SUN1: variants seen among roughly 807,000 people sequenced by gnomAD.
The protein encoded by SUN1 is Sad1 and UNC84 domain containing 1, also known as SUN domain-containing protein 1.
In SUN1, 61 loss-of-function variants were observed where a neutral mutation model predicts 103.2. That is an observed-to-expected ratio of 0.59 (90% CI 0.48 to 0.73). The LOEUF (loss-of-function observed/expected upper bound fraction) is 0.73, where lower values mean the gene tolerates loss of function less well. Ranked by LOEUF, SUN1 falls within the 30% of genes least tolerant of loss-of-function variation. The pLI is 0.00. For missense variants in SUN1, 1,052 were observed against 1,034.6 expected (o/e 1.02, Z -0.23); for synonymous variants, 490 against 425.7 (o/e 1.15, Z -1.86).
chr7:825,110 G>C (rs903949713), intron 1 of SUN1, among the ~76,000 whole-genome samples: 4 of 151,760 alleles, frequency 2.6e-5, no homozygotes, highest in Admixed American at 1.3e-4. Context: ...CCAGGCTGGA[G>C]TGCAGTGGCA....
In SUN1 at chr7:860,216, C is replaced by T. The variant is rs984369757; in HGVS notation, c.1613C>T (p.Ser538Leu). 13 of 1,614,124 alleles carry T rather than the reference C, an allele frequency of 8.1e-6. No individual in the cohort carries two copies. Among genetic ancestry groups the T allele is most frequent in the South Asian group, 2.2e-5 (2 of 91,092 alleles). Residue 538 changes from serine to leucine, a missense_variant, in exon 14 of 19, where the codon TCA becomes TTA. Physicochemically the swap from Ser to Leu is moderately radical, Grantham distance 145. Transcript: ENST00000401592. ...GSLEQLLQRFSSQFVSKGDLQ... is the reference protein window; with the variant it reads ...GSLEQLLQRFLSQFVSKGDLQ... ...CTGGAACAGCTGCTGCAGAGGTTCTCATCACAGTTTGTGAGCAAAGGCGAC... is the reference window on the plus strand; with the variant it reads ...CTGGAACAGCTGCTGCAGAGGTTCTTATCACAGTTTGTGAGCAAAGGCGAC...
chr7:832,856 G>T lies in SUN1; in HGVS notation c.77+255G>T, dbSNP rs1584258889. On this transcript the variant is annotated intron_variant, in intron 1 of 18. Transcript: ENST00000401592. ...GCTTGCTGGCTTCGACCCCACCCAGGTGGTTGTGATGTTGAGAAGATGTCT... is the reference window on the plus strand; with the variant it reads ...GCTTGCTGGCTTCGACCCCACCCAGTTGGTTGTGATGTTGAGAAGATGTCT... 1.1e-5 allele frequency: 5 copies of T among 467,668 alleles called. No homozygotes were observed. In the South Asian group the frequency reaches 1.3e-4, roughly 12 times the overall value. 29.0% of individuals were successfully genotyped at this position (467,668 alleles called of 1,614,324 possible).
At chr7:842,228 C>T in intron 3 of SUN1, 98 bp downstream of exon 3, 8 of 1,333,660 alleles carry the variant, frequency 6.0e-6, no homozygotes, top group Non-Finnish European at 8.2e-6. Context: ...TGTCGGTTTG[C>T]ATGGATTATG....
intron 1 of SUN1, among the ~76,000 whole-genome samples, chr7:823,480 G>A (rs1302924262): frequency 1.2e-5 from 1 of 82,244 alleles, no homozygotes; most frequent in East Asian, 2.9e-4. Context: ...CAGGCAGGAG[G>A]ACATTCATTG....
At chr7:823,343 C>T (rs966386985) in intron 1 of SUN1, among the ~76,000 whole-genome samples, 1 of 152,178 alleles carries the variant, frequency 6.6e-6, no homozygotes, top group African/African-American at 2.4e-5. Flanking sequence ...GGATGAGGCC[C>T]ATGGGGGCTT....
At chr7:817,492 C>T (rs1015310446) in intron 1 of SUN1, 2 of 1,536,158 alleles carry the variant, frequency 1.3e-6, no homozygotes, top group African/African-American at 1.4e-5. Context: ...CAGGGCTCCC[C>T]AGGACAGGTG....
At chr7:827,466 GTTTT>G (rs35772182) in intron 1 of SUN1, among the ~76,000 whole-genome samples, 2 of 133,248 alleles carry the variant, frequency 1.5e-5, no homozygotes, top group Non-Finnish European at 1.6e-5. Context: ...TCTAAAGTCC[GTTTT>G]TTTTTTTTTT....
chr7:862,692 T>C (rs768222001), intron 15 of SUN1, among the ~76,000 whole-genome samples: 4 of 152,254 alleles, frequency 2.6e-5, no homozygotes, highest in Non-Finnish European at 4.4e-5. Flanking sequence ...TACAGGTTTG[T>C]GTGTACCTCA....
intron 16 of SUN1, 133 bp from the exon 17 acceptor site, chr7:869,216 G>A (rs1379484653): frequency 2.7e-5 from 30 of 1,105,852 alleles, no homozygotes; most frequent in East Asian, 1.7e-4. Context: ...GCTTATCTTC[G>A]GATTTTGCTC....
At chr7:858,535 G>A (rs1318389139) in intron 13 of SUN1, among the ~76,000 whole-genome samples, 1 of 152,200 alleles carries the variant, frequency 6.6e-6, no homozygotes, top group East Asian at 1.9e-4. Context: ...TCCTTGGTGT[G>A]CGTGCAGCCC....
At chr7:824,562 C>T (rs1789538926) in intron 1 of SUN1, among the ~76,000 whole-genome samples, 3 of 152,150 alleles carry the variant, frequency 2.0e-5, no homozygotes, top group African/African-American at 7.2e-5. Context: ...TTTGCTGAAA[C>T]ACTGTGATGA....
chr7:862,026 A>G (rs1048742113), intron 15 of SUN1, among the ~76,000 whole-genome samples: 1 of 152,222 alleles, frequency 6.6e-6, no homozygotes, highest in African/African-American at 2.4e-5. Context: ...TGGGGTCCAC[A>G]CAGCCCACTC....
chr7:823,201 G>C (rs926816732), intron 1 of SUN1, among the ~76,000 whole-genome samples: 2 of 152,236 alleles, frequency 1.3e-5, no homozygotes, highest in Non-Finnish European at 2.9e-5. Context: ...AGCCGAAGGT[G>C]AATGAGGCAC....
chr7:871,110 C>T (rs1316484666), intron 17 of SUN1, among the ~76,000 whole-genome samples: 3 of 151,852 alleles, frequency 2.0e-5, no homozygotes, highest in African/African-American at 7.3e-5. Flanking sequence ...TGGCTGGTCT[C>T]GAACTCCCGA....
upstream of SUN1, chr7:832,459 T>G: frequency 2.0e-6 from 3 of 1,520,828 alleles, no homozygotes; most frequent in Non-Finnish European, 2.7e-6. Context: ...TGCGCTCGAT[T>G]TCCTGCCCGT....
At chr7:859,849 C>T (rs1255825346) in intron 13 of SUN1, among the ~76,000 whole-genome samples, 2 of 152,142 alleles carry the variant, frequency 1.3e-5, no homozygotes, top group Non-Finnish European at 2.9e-5. Flanking sequence ...GGGATGGACA[C>T]GCACCTCCAG....
intron 1 of SUN1, among the ~76,000 whole-genome samples, chr7:837,291 C>T (rs1303651967): frequency 3.3e-5 from 5 of 152,218 alleles, no homozygotes; most frequent in African/African-American, 9.6e-5. Context: ...CTCTGAGCAG[C>T]GGTCTGAAGC....
rs1843184762 is a variant in SUN1 at position 874,039 on chromosome 7, G to A, written c.*708G>A. On this transcript the variant is annotated 3_prime_UTR_variant, in exon 19 of 19. Coordinates refer to ENST00000401592, the MANE Select transcript of SUN1 (RefSeq NM_001130965.3). The stretch of plus-strand genomic sequence containing the variant: ...TTTGGATCTAAGCAAACACCCAGAT[G>A]GGGTTCTCTGGTCTCAGCAAGGCTT... 1 of 152,218 alleles carries A rather than the reference G, an allele frequency of 6.6e-6. No homozygotes were observed. 9.4% of individuals were successfully genotyped at this position (152,218 alleles called of 1,614,324 possible). A position where few individuals can be genotyped will look rare whatever the true frequency, so the allele number is the denominator to read the frequency against.
intron 5 of SUN1, chr7:849,689 A>G: frequency 7.1e-7 from 1 of 1,413,260 alleles, no homozygotes; most frequent in Non-Finnish European, 1.0e-6. Context: ...GTAGAGAATG[A>G]ACGGCCCGTG....
Sources: gnomAD v4.1 joint callset for allele counts (sites outside exome capture counted in the v4.1 genomes callset) on GRCh38, gnomAD v4.1.1 for gene constraint, MANE v1.5 for transcripts, NCBI Gene and HGNC (gene_info 2026-07-23, HGNC 2026-07-21) for gene names.